Variants in PNKD observed in about 807,000 individuals in gnomAD.
PNKD encodes the protein probable thioesterase PNKD.
In PNKD, 36 loss-of-function variants were observed where a neutral mutation model predicts 45.3. The ratio of observed to expected loss-of-function variants is 0.80; its 90% CI spans 0.61 to 1.05. The LOEUF (loss-of-function observed/expected upper bound fraction) is 1.05, where lower values mean the gene tolerates loss of function less well. PNKD is among the 50% of genes least tolerant of loss of function. PNKD has a pLI of 0.00. For synonymous variants in PNKD, 197 were observed against 210.1 expected, an observed-to-expected ratio of 0.94 and a Z score of 0.54; for missense variants, 511 against 506.6, an observed-to-expected ratio of 1.01 and a Z score of -0.08.
rs1574719832 is a variant in PNKD at position 218,341,531 on chromosome 2, C to T, written c.525-3C>T. The T allele has an allele frequency of 1.3e-6, 2 of 1,589,950 alleles. No homozygotes were observed. The highest frequency in any genetic ancestry group is 1.7e-6 in the Non-Finnish European group (2 of 1,167,064). ...CCCCCTGCCTGTCTCTGCTGTCCTG[C>T]AGGGACCACAGTGGAGGGAACCGTG... On this transcript the variant is annotated splice_region_variant and splice_polypyrimidine_tract_variant and intron_variant, in intron 5 of 9. Coordinates refer to ENST00000273077, the MANE Select transcript of PNKD (RefSeq NM_015488.5).
chr2:218,284,768 C>G (rs145294833), intron 2 of PNKD, among the ~76,000 whole-genome samples: 1 of 152,194 alleles, frequency 6.6e-6, no homozygotes, highest in Non-Finnish European at 1.5e-5. Context: ...GTACCCTCCA[C>G]GGGGTTGCTA....
chr2:218,277,606 AGAGTGGTGCTT>A, intron 2 of PNKD: 1 of 1,614,154 alleles, frequency 6.2e-7, no homozygotes, highest in Non-Finnish European at 8.5e-7. Context: ...ACATTTCCCA[AGAGTGGTGCTT>A]TATCCCTGAA....
At position 218,331,654 on chromosome 2, in the gene PNKD, G is replaced by T. The variant is rs184830527; in HGVS notation, c.237-8129G>T. Among the ~76,000 whole-genome samples, 120 of 152,178 alleles carry T rather than the reference G, an allele frequency of 7.9e-4. No individual in the cohort carries two copies. The Middle Eastern group carries it at 0.01, about 13-fold the overall frequency. ...GGCTAATTTTTGTATTTTTAGTAGA[G>T]ACGGGGTTTCACCATATTGGTCAGA... On this transcript the variant is annotated intron_variant, in intron 2 of 9. Transcript: ENST00000273077.
At chr2:218,321,934 C>CT (rs35226712) in intron 2 of PNKD, among the ~76,000 whole-genome samples, 5,425 of 120,324 alleles carry the variant, frequency 0.045, 307 homozygotes, top group South Asian at 0.074. Context: ...GAGCTTGACT[C>CT]TTTTTTTTTT....
intron 2 of PNKD, among the ~76,000 whole-genome samples, chr2:218,325,070 T>C (rs1694109288): frequency 7.7e-6 from 1 of 130,572 alleles, no homozygotes; most frequent in Non-Finnish European, 1.6e-5. Flanking sequence ...TGCAATGGCA[T>C]GATCTCAGCA....
At position 218,280,015 on chromosome 2, in the gene PNKD, G is replaced by A. The variant is rs201914720; in HGVS notation, c.236+8466G>A. On this transcript the variant is annotated intron_variant, in intron 2 of 9. Transcript: ENST00000273077. Reference sequence around the variant, plus strand: ...GCCCCAGGTACACCCACCTCCCAGCGCGTATCTTACCTTTCGGATAAAAGT... The same window carrying A: ...GCCCCAGGTACACCCACCTCCCAGCACGTATCTTACCTTTCGGATAAAAGT... 4.9e-5 allele frequency: 79 copies of A among 1,611,822 alleles called. No homozygotes were observed. In the African/African-American group the frequency reaches 4.9e-4, roughly 10 times the overall value.
chr2:218,327,566 C>G (rs981538710), intron 2 of PNKD, among the ~76,000 whole-genome samples: 15 of 152,114 alleles, frequency 9.9e-5, no homozygotes, highest in Non-Finnish European at 2.2e-4. Flanking sequence ...CCCCCTGCTG[C>G]CTGGTTCGTC....
intron 2 of PNKD, among the ~76,000 whole-genome samples, chr2:218,315,145 C>CTTTCTTTCTTTCTTTCTTTCTTTCTTTCT (rs1377980801): frequency 9.0e-6 from 1 of 110,792 alleles, no homozygotes; most frequent in African/African-American, 3.7e-5. Context: ...TTCTTTCTTT[C>CTTTCTTTCTTTCTTTCTTTCTTTCTTTCT]TTCTTTCTTT....
Position 218,344,836 on chromosome 2 carries a change from C to A in PNKD, c.1013C>A (p.Ser338Tyr), listed in dbSNP as rs200128452. The change falls in exon 10 of 10, where the codon TCC becomes TAC. Residue 338 changes from serine (S) to tyrosine (Y), a missense_variant. Physicochemically the swap from Ser to Tyr is moderately radical, Grantham distance 144. Transcript: ENST00000273077. Reference sequence around the variant, plus strand: ...CCATCTACCCTGGGAGAGGAGCGCTCCTACAACCCGTTCCTGAGAACCCAC... The same window carrying A: ...CCATCTACCCTGGGAGAGGAGCGCTACTACAACCCGTTCCTGAGAACCCAC... ...TCPSTLGEERSYNPFLRTHCL... is the reference protein window; with the variant it reads ...TCPSTLGEERYYNPFLRTHCL... The A allele has an allele frequency of 1.9e-6, 3 of 1,613,988 alleles. No individual in the cohort carries two copies. The South Asian group carries it at 3.3e-5, about 18-fold the overall frequency.
In PNKD at chr2:218,277,531, G is replaced by A; in HGVS notation, c.236+5982G>A. ...CTTCAAAATCACCACTTCCAGAGGG[G>A]ACCTGCCCAGAATCCACCCACGCAG... On this transcript the variant is annotated intron_variant, in intron 2 of 9. Transcript: ENST00000273077. The A allele has an allele frequency of 6.9e-6, 11 of 1,604,576 alleles. No homozygotes were observed. The South Asian group carries it at 1.2e-4, about 18-fold the overall frequency.
At chr2:218,317,419 G>A (rs1693845303) in intron 2 of PNKD, among the ~76,000 whole-genome samples, 1 of 152,214 alleles carries the variant, frequency 6.6e-6, no homozygotes, top group South Asian at 2.1e-4. Context: ...GAATCAGGCA[G>A]GAAGACTAAA....
At chr2:218,312,650 A>G (rs1693651493) in intron 2 of PNKD, among the ~76,000 whole-genome samples, 1 of 151,976 alleles carries the variant, frequency 6.6e-6, no homozygotes, top group African/African-American at 2.4e-5. Context: ...AGGTAGGTGG[A>G]TCCCCTGAGC....
intron 2 of PNKD, chr2:218,277,240 C>T (rs932623654): frequency 6.8e-6 from 8 of 1,169,482 alleles, no homozygotes; most frequent in Middle Eastern, 2.4e-4. Context: ...AAACAGGACA[C>T]AGTTTTGTAG....
intron 2 of PNKD, among the ~76,000 whole-genome samples, chr2:218,312,341 C>A (rs1693638492): frequency 1.3e-5 from 2 of 152,138 alleles, no homozygotes; most frequent in South Asian, 4.1e-4. Context: ...TTTGCTATTA[C>A]TATCTGATAG....
intron 2 of PNKD, among the ~76,000 whole-genome samples, chr2:218,310,298 C>G (rs1693564541): frequency 6.6e-6 from 1 of 152,182 alleles, no homozygotes; most frequent in African/African-American, 2.4e-5. Context: ...TCATGGCTCA[C>G]TGCAACCTCC....
chr2:218,279,764 G>A (rs954991628), intron 2 of PNKD, among the ~76,000 whole-genome samples: 4 of 152,300 alleles, frequency 2.6e-5, no homozygotes, highest in East Asian at 1.9e-4. Context: ...GAAGGCGGGC[G>A]CTGTGGCAGA....
At chr2:218,293,970 C>G (rs1043388043) in intron 2 of PNKD, among the ~76,000 whole-genome samples, 1 of 151,512 alleles carries the variant, frequency 6.6e-6, no homozygotes. Context: ...TAAAAACTGC[C>G]CCCCATACAC....
intron 2 of PNKD, 81 bp downstream of exon 2, chr2:218,271,630 C>CTA: frequency 7.7e-7 from 1 of 1,303,806 alleles, no homozygotes; most frequent in Non-Finnish European, 1.1e-6. Flanking sequence ...CTCCAAGTTT[C>CTA]AGGTGGCGAG....
At chr2:218,318,621 C>T (rs1693885051) in intron 2 of PNKD, among the ~76,000 whole-genome samples, 1 of 152,198 alleles carries the variant, frequency 6.6e-6, no homozygotes, top group South Asian at 2.1e-4. Flanking sequence ...TTCTGTCATT[C>T]ACTCATTCAT....
Sources: allele counts gnomAD v4.1 joint callset (sites outside exome capture counted in the v4.1 genomes callset), GRCh38; gene constraint gnomAD v4.1.1; transcripts MANE v1.5; gene names NCBI Gene and HGNC (gene_info 2026-07-23, HGNC 2026-07-21).